Variants in ABAT observed in about 807,000 individuals in gnomAD.
ABAT encodes the protein 4-aminobutyrate aminotransferase.
Under a neutral mutation model 64.6 loss-of-function variants are expected in ABAT, and 45 were observed. The observed-to-expected ratio is 0.70, with a 90% CI of 0.55 to 0.89. The LOEUF (loss-of-function observed/expected upper bound fraction) is 0.89, where lower values mean the gene tolerates loss of function less well. ABAT is among the 40% of genes least tolerant of loss of function. The pLI is 0.00. For synonymous variants in ABAT, 297 were observed against 250.5 expected, an observed-to-expected ratio of 1.19 and a Z score of -1.75; for missense variants, 633 against 658.4, an observed-to-expected ratio of 0.96 and a Z score of 0.42.
At chr16:8,735,517 A>T (rs866838994) in intron 1 of ABAT, among the ~76,000 whole-genome samples, 182 bp from the exon 2 acceptor site, 1 of 152,170 alleles carries the variant, frequency 6.6e-6, no homozygotes, top group African/African-American at 2.4e-5. Flanking sequence ...TGTGGCTGAG[A>T]TGACAGGTGT....
At chr16:8,757,270 A>G (rs1455147954) in intron 5 of ABAT, 2 of 419,096 alleles carry the variant, frequency 4.8e-6, no homozygotes, top group African/African-American at 2.1e-5. Flanking sequence ...TGTGTTCAAG[A>G]GATTCTTCTG....
chr16:8,773,074 G>T (rs2060160961), intron 12 of ABAT, among the ~76,000 whole-genome samples, 157 bp downstream of exon 12: 1 of 149,394 alleles, frequency 6.7e-6, no homozygotes, highest in African/African-American at 2.5e-5. Flanking sequence ...GTTGGGGTTG[G>T]TGAAAGAATG....
chr16:8,748,308 A>G (rs2059388875), intron 4 of ABAT, among the ~76,000 whole-genome samples, 171 bp downstream of exon 4: 1 of 152,198 alleles, frequency 6.6e-6, no homozygotes, highest in Non-Finnish European at 1.5e-5. Flanking sequence ...TTAGTTACTT[A>G]CATGATGTTT....
rs28852097 is a variant in ABAT at position 8,738,032 on chromosome 16, G to A, written c.70+2223G>A. On this transcript the variant is annotated intron_variant, in intron 2 of 15. Transcript: ENST00000268251. ...AGAAAGAAAGGAAAGAAAGAAAGAA[G>A]GACAGACAGACAAGACAGTGGCTCA... 3.2e-3 allele frequency among the ~76,000 whole-genome samples: 253 copies of A among 78,238 alleles called. 11 individuals are homozygous for A. The highest frequency in any genetic ancestry group is 9.3e-3 in the African/African-American group (144 of 15,506). The allele number at this position is 78,238 out of a possible 152,430, so 51.3% of individuals were successfully genotyped here.
intron 1 of ABAT, among the ~76,000 whole-genome samples, chr16:8,675,135 A>C (rs1214748662): frequency 2.0e-5 from 3 of 151,938 alleles, no homozygotes; most frequent in African/African-American, 7.3e-5. Flanking sequence ...TATAAATTAC[A>C]GTGACCTCCC....
At chr16:8,757,169 T>TTTTA (rs34346487) in intron 5 of ABAT, 85,027 of 451,240 alleles carry the variant, frequency 0.19, 8,707 homozygotes, top group South Asian at 0.28. Context: ...TTATCTCCCT[T>TTTTA]TTTATTTATT....
At chr16:8,709,246 A>C (rs1359836807) in intron 1 of ABAT, among the ~76,000 whole-genome samples, 1 of 147,318 alleles carries the variant, frequency 6.8e-6, no homozygotes, top group Non-Finnish European at 1.5e-5. Flanking sequence ...ATCTTTTTTC[A>C]ACTTTTGCCT....
At chr16:8,753,308 G>T (rs1473231470) in intron 5 of ABAT, among the ~76,000 whole-genome samples, 1 of 152,006 alleles carries the variant, frequency 6.6e-6, no homozygotes, top group Non-Finnish European at 1.5e-5. Context: ...TGTTAGCCAG[G>T]ATGGTCTCGA....
chr16:8,713,883 T>A lies in ABAT; in HGVS notation c.-41-21816T>A, dbSNP rs755505000. On this transcript the variant is annotated intron_variant, in intron 1 of 15. Coordinates refer to ENST00000268251, the MANE Select transcript of ABAT (RefSeq NM_020686.6). Reference sequence around the variant, plus strand: ...CAGGCACCGTGAGTGCAAATGTGTATGTGTGTCTCTGTGTGCATCCTTACA... The same window carrying A: ...CAGGCACCGTGAGTGCAAATGTGTAAGTGTGTCTCTGTGTGCATCCTTACA... 4.6e-4 allele frequency: 209 copies of A among 456,028 alleles called. 1 individual carries two copies. The highest frequency in any genetic ancestry group is 9.7e-4 in the Middle Eastern group (3 of 3,092). The allele number at this position is 456,028 out of a possible 1,614,324, so 28.2% of individuals were successfully genotyped here.
At chr16:8,756,117 G>GCACGAGA (rs1181544390) in intron 5 of ABAT, among the ~76,000 whole-genome samples, 2 of 152,102 alleles carry the variant, frequency 1.3e-5, no homozygotes, top group East Asian at 1.9e-4. Context: ...GGAGGCTGAG[G>GCACGAGA]CACGAGACAC....
Position 8,781,376 on chromosome 16 carries a change from C to G in ABAT, c.1449C>G (p.His483Gln). The G allele has an allele frequency of 6.2e-7, 1 of 1,614,100 alleles. No homozygotes were observed. The highest frequency in any genetic ancestry group is 8.5e-7 in the Non-Finnish European group (1 of 1,179,994). ...GTCCCACGCTGGTCTTCAGGGATCACCACGCTCACCTGTTCCTCAATATTT... is the reference window on the plus strand; with the variant it reads ...GTCCCACGCTGGTCTTCAGGGATCAGCACGCTCACCTGTTCCTCAATATTT... The part of the protein sequence containing the change: ...RFRPTLVFRD[H>Q]HAHLFLNIFS... Residue 483 changes from histidine (H) to glutamine (Q), a missense_variant, in exon 16 of 16, where the codon CAC becomes CAG. His to Gln is a conservative substitution (Grantham distance 24). Transcript: ENST00000268251. The surrounding 1 kb of genome is among the most constrained non-coding windows in gnomAD (Gnocchi z 4.5).
intron 1 of ABAT, among the ~76,000 whole-genome samples, chr16:8,722,137 T>C (rs2058389891): frequency 6.6e-6 from 1 of 152,232 alleles, no homozygotes; most frequent in Non-Finnish European, 1.5e-5. Flanking sequence ...GTCTGCTCTC[T>C]GCCAGTCTCT....
At chr16:8,716,252 G>A (rs1261450419) in intron 1 of ABAT, among the ~76,000 whole-genome samples, 3 of 152,126 alleles carry the variant, frequency 2.0e-5, no homozygotes, top group Non-Finnish European at 4.4e-5. Flanking sequence ...GCTGTGTGAT[G>A]TCGGGCAAAT....
chr16:8,678,267 A>G (rs2057250558), intron 1 of ABAT, among the ~76,000 whole-genome samples: 2 of 152,034 alleles, frequency 1.3e-5, no homozygotes, highest in South Asian at 4.2e-4. Context: ...GTGGTCTCTA[A>G]CTCCTAGGCT....
chr16:8,701,079 A>C (rs1382272156), intron 1 of ABAT, among the ~76,000 whole-genome samples: 1 of 152,178 alleles, frequency 6.6e-6, no homozygotes, highest in Non-Finnish European at 1.5e-5. Context: ...CTGGGACTAC[A>C]GGCACACACC....
chr16:8,777,781 G>C (rs186041780), intron 14 of ABAT, among the ~76,000 whole-genome samples: 15 of 152,256 alleles, frequency 9.9e-5, no homozygotes, highest in Admixed American at 7.9e-4. Flanking sequence ...TATCTGTGTA[G>C]ACCAAAGTGA....
intron 1 of ABAT, among the ~76,000 whole-genome samples, chr16:8,721,798 C>T (rs950443112): frequency 2.3e-4 from 35 of 152,302 alleles, no homozygotes; most frequent in African/African-American, 7.2e-4. Flanking sequence ...CATCTCGCCC[C>T]TCCCCGCAAT....
chr16:8,752,698 T>G (rs2142760076), intron 5 of ABAT, among the ~76,000 whole-genome samples: 1 of 152,258 alleles, frequency 6.6e-6, no homozygotes, highest in African/African-American at 2.4e-5. Flanking sequence ...GCCCAGGAGT[T>G]TGAGGCTGCA....
chr16:8,724,063 A>G (rs967175415), intron 1 of ABAT, among the ~76,000 whole-genome samples: 2 of 150,422 alleles, frequency 1.3e-5, no homozygotes, highest in Non-Finnish European at 1.5e-5. Flanking sequence ...CTGGTCTTGA[A>G]CTCCTGACCT....
Sources: allele counts gnomAD v4.1 joint callset (sites outside exome capture counted in the v4.1 genomes callset), GRCh38; gene constraint gnomAD v4.1.1; non-coding constraint Gnocchi (gnomAD v3.1); transcripts MANE v1.5; gene names NCBI Gene and HGNC (gene_info 2026-07-23, HGNC 2026-07-21).